CSMD1: variants seen among roughly 807,000 people sequenced by gnomAD.
The protein encoded by CSMD1 is CUB and sushi domain-containing protein 1.
In CSMD1, 213 loss-of-function variants were observed where a neutral mutation model predicts 417.5. The ratio of observed to expected loss-of-function variants is 0.51; its 90% CI spans 0.46 to 0.57. The LOEUF (loss-of-function observed/expected upper bound fraction) is 0.57. CSMD1 is among the 20% of genes least tolerant of loss of function. The probability of loss-of-function intolerance (pLI) is 0.00; values close to 1 mark genes in which losing one functional copy is unlikely to be tolerated. For missense variants in CSMD1, 6,923 were observed against 4,529.7 expected (o/e 1.53, Z -15.17); for synonymous variants, 2,862 against 1,736.8 (o/e 1.65, Z -16.11).
intron 2 of CSMD1, among the ~76,000 whole-genome samples, chr8:4,422,562 G>A (rs1377588222): frequency 1.3e-5 from 2 of 152,062 alleles, no homozygotes; most frequent in Non-Finnish European, 2.9e-5. Flanking sequence ...AAGTCAGGAA[G>A]AGAGCCCTCA....
At chr8:4,059,630 A>T (rs1798869371) in intron 3 of CSMD1, among the ~76,000 whole-genome samples, 1 of 152,196 alleles carries the variant, frequency 6.6e-6, no homozygotes, top group Non-Finnish European at 1.5e-5. Flanking sequence ...GATCCCACAG[A>T]AATACAAACT....
At chr8:4,914,437 G>C (rs1182004816) in intron 1 of CSMD1, among the ~76,000 whole-genome samples, 1 of 151,940 alleles carries the variant, frequency 6.6e-6, no homozygotes, top group Non-Finnish European at 1.5e-5. Context: ...AATTAACCGG[G>C]TGAGGTGGCG....
At chr8:3,527,628 G>C (rs1188047833) in intron 10 of CSMD1, among the ~76,000 whole-genome samples, 1 of 152,006 alleles carries the variant, frequency 6.6e-6, no homozygotes, top group Non-Finnish European at 1.5e-5. Flanking sequence ...CCATGAATCT[G>C]GTGAAATCTC....
At chr8:3,650,066 G>A (rs754702350) in intron 7 of CSMD1, among the ~76,000 whole-genome samples, 1 of 152,180 alleles carries the variant, frequency 6.6e-6, no homozygotes, top group African/African-American at 2.4e-5. Context: ...ACCACTTGAG[G>A]TCAAGAGTTT....
chr8:4,311,810 T>A (rs1240332329), intron 3 of CSMD1, among the ~76,000 whole-genome samples: 5 of 149,944 alleles, frequency 3.3e-5, no homozygotes, highest in African/African-American at 7.4e-5. Flanking sequence ...TAGGGCCTAG[T>A]GGATGGTGGA....
intron 49 of CSMD1, among the ~76,000 whole-genome samples, chr8:3,059,638 G>T (rs987824705): frequency 6.6e-6 from 1 of 152,062 alleles, no homozygotes; most frequent in African/African-American, 2.4e-5. Flanking sequence ...AAAACCCTCT[G>T]GTTGCCATCA....
intron 4 of CSMD1, among the ~76,000 whole-genome samples, chr8:4,030,502 G>T (rs1484899010): frequency 6.6e-6 from 1 of 152,132 alleles, no homozygotes; most frequent in Admixed American, 6.5e-5. Flanking sequence ...GAGCAGCTGG[G>T]ATGCAGGGCA....
intron 3 of CSMD1, among the ~76,000 whole-genome samples, chr8:4,301,833 A>T (rs1797996342): frequency 6.6e-6 from 1 of 152,110 alleles, no homozygotes; most frequent in Non-Finnish European, 1.5e-5. Context: ...ACTTTTCAGA[A>T]AGCATCGGTG....
chr8:4,303,646 C>A (rs1379227712), intron 3 of CSMD1, among the ~76,000 whole-genome samples: 1 of 151,788 alleles, frequency 6.6e-6, no homozygotes, highest in Non-Finnish European at 1.5e-5. Context: ...GGAAGTTTTT[C>A]ACTTTTTTAT....
intron 2 of CSMD1, among the ~76,000 whole-genome samples, chr8:4,583,687 C>T (rs541117034): frequency 3.9e-5 from 6 of 152,158 alleles, no homozygotes; most frequent in Admixed American, 3.9e-4. Context: ...TCGTGGAGAA[C>T]CTTTGTATCT....
At position 3,821,151 on chromosome 8, in the gene CSMD1, C is replaced by A. The variant is rs149110267; in HGVS notation, c.819-67109G>T. 9.2e-3 allele frequency among the ~76,000 whole-genome samples: 1,401 copies of A among 152,214 alleles called. 34 individuals are homozygous for A. Among genetic ancestry groups the A allele is most frequent in the African/African-American group, 0.031 (1,276 of 41,534 alleles). On this transcript the variant is annotated intron_variant, in intron 5 of 69. Transcript: ENST00000635120. ...CAGGCTGGTCTCGAACTCCTGACCT[C>A]AGGTGATCCACCCGCCTCGGCCTCC... is the stretch of plus-strand genomic sequence containing the variant.
At chr8:4,929,267 G>C (rs998601352) in intron 1 of CSMD1, among the ~76,000 whole-genome samples, 8 of 152,132 alleles carry the variant, frequency 5.3e-5, no homozygotes, top group African/African-American at 1.7e-4. Flanking sequence ...CAAACCTGCA[G>C]ACACCGTCGT....
intron 3 of CSMD1, among the ~76,000 whole-genome samples, chr8:4,117,411 C>T (rs954699056): frequency 6.6e-6 from 1 of 152,000 alleles, no homozygotes; most frequent in Non-Finnish European, 1.5e-5. Flanking sequence ...CCTCTGCCTG[C>T]CGCAAGGTAA....
chr8:3,556,831 C>T (rs1799177520), intron 10 of CSMD1, among the ~76,000 whole-genome samples: 1 of 151,906 alleles, frequency 6.6e-6, no homozygotes, highest in Admixed American at 6.5e-5. Flanking sequence ...TCTCCCTTCA[C>T]TGCCATAGGG....
chr8:3,439,717 C>A (rs1282010043), intron 12 of CSMD1, among the ~76,000 whole-genome samples: 1 of 152,052 alleles, frequency 6.6e-6, no homozygotes, highest in Non-Finnish European at 1.5e-5. Context: ...GGGGACAAGT[C>A]TAAGAAATAT....
Position 4,325,243 on chromosome 8 carries a change from C to A in CSMD1, c.415+94710G>T, listed in dbSNP as rs140556643. 3.9e-5 allele frequency among the ~76,000 whole-genome samples: 6 copies of A among 152,224 alleles called. No homozygotes were observed. In the East Asian group the frequency reaches 9.7e-4, roughly 25 times the overall value. ...GGGATTCCCCTGAACCAGGAATGTG[C>A]GACTTTCAAGACCTTCTTCTGTTCC... On this transcript the variant is annotated intron_variant, in intron 3 of 69. Coordinates refer to ENST00000635120, the MANE Select transcript of CSMD1 (RefSeq NM_033225.6).
Position 3,164,136 on chromosome 8 carries a change from C to G in CSMD1, c.5726-1859G>C, listed in dbSNP as rs150712900. Reference sequence around the variant, plus strand: ...AATGGAGAGAGAGAAGTGTCTTCATCTTACAGTACCGTGATTGTTCATTTG... The same window carrying G: ...AATGGAGAGAGAGAAGTGTCTTCATGTTACAGTACCGTGATTGTTCATTTG... On this transcript the variant is annotated intron_variant, in intron 37 of 69. Coordinates refer to ENST00000635120, the MANE Select transcript of CSMD1 (RefSeq NM_033225.6). Among the ~76,000 whole-genome samples the G allele has an allele frequency of 1.2e-3, 179 of 152,264 alleles. 1 individual carries two copies. Among genetic ancestry groups the G allele is most frequent in the African/African-American group, 3.9e-3 (161 of 41,556 alleles).
At chr8:4,818,294 C>T (rs746194037) in intron 1 of CSMD1, among the ~76,000 whole-genome samples, 5 of 151,996 alleles carry the variant, frequency 3.3e-5, no homozygotes, top group Admixed American at 6.6e-5. Context: ...TAGAAAAGCT[C>T]GATGAAATTG....
At chr8:3,531,168 C>T (rs533489412) in intron 10 of CSMD1, among the ~76,000 whole-genome samples, 2 of 152,126 alleles carry the variant, frequency 1.3e-5, no homozygotes, top group East Asian at 1.9e-4. Context: ...GCCCATACTA[C>T]TTTAAGAAAA....
Sources: allele counts gnomAD v4.1 joint callset (sites outside exome capture counted in the v4.1 genomes callset), GRCh38; gene constraint gnomAD v4.1.1; transcripts MANE v1.5; gene names NCBI Gene and HGNC (gene_info 2026-07-23, HGNC 2026-07-21).